The following TASOR2 variants were observed in gnomAD, a reference collection of about 807,000 sequenced individuals.
The protein encoded by TASOR2 is protein TASOR 2.
In TASOR2, 84 loss-of-function variants were observed where a neutral mutation model predicts 199.5. The ratio of observed to expected loss-of-function variants is 0.42; its 90% CI spans 0.35 to 0.50. The LOEUF is 0.50. Among genes scored for constraint, TASOR2 ranks in the 20% least tolerant of loss-of-function variants. The pLI is 0.02. For missense variants in TASOR2, 2,796 were observed against 2,835.9 expected (o/e 0.99, Z 0.32); for synonymous variants, 1,103 against 1,046.6 (o/e 1.05, Z -1.04).
intron 16 of TASOR2, 130 bp from the exon 18 acceptor site, chr10:5,757,390 C>A: frequency 1.1e-6 from 1 of 892,208 alleles, no homozygotes; most frequent in Non-Finnish European, 1.7e-6. Flanking sequence ...AATGACCAGT[C>A]GGTAATCCAG....
intron 1 of TASOR2, among the ~76,000 whole-genome samples, chr10:5,686,634 C>G (rs542430384): frequency 3.3e-5 from 5 of 152,300 alleles, no homozygotes; most frequent in African/African-American, 9.6e-5. Context: ...TTCACTCGCT[C>G]AAAAGATGTG....
rs1038041938 is a variant in TASOR2, at chr10:5,759,006, G to A, written c.6992+14G>A. The A allele has an allele frequency of 2.5e-6, 4 of 1,576,364 alleles. No individual in the cohort carries two copies. The highest frequency in any genetic ancestry group is 3.3e-5 in the Admixed American group (2 of 59,822). ...AGAAGATGAAAGGTAAGGACTTGCT[G>A]TGTGTATGGTTCCTCCTGCCCTGCT... On this transcript the variant is annotated intron_variant, in intron 18 of 20. Transcript: ENST00000328090.
rs543527530 is a variant in TASOR2, at chr10:5,732,787, C to G, written c.1204+1584C>G. Among the ~76,000 whole-genome samples the G allele has an allele frequency of 9.8e-5, 15 of 152,308 alleles. No homozygotes were observed. In the South Asian group the frequency reaches 2.9e-3, roughly 29 times the overall value. ...CTAGACTTTGAACTGATGCTCCTGC[C>G]TCAGCCTCCCAAAGTGTTGGGATTA... On this transcript the variant is annotated intron_variant, in intron 11 of 20. Transcript: ENST00000328090.
At position 5,738,436 on chromosome 10, in the gene TASOR2, A is replaced by G. The variant is rs1835922158; in HGVS notation, c.1448-1182A>G. 6.6e-6 allele frequency among the ~76,000 whole-genome samples: 1 copy of G among 152,250 alleles called. No individual in the cohort carries two copies. The highest frequency in any genetic ancestry group is 2.1e-4 in the South Asian group (1 of 4,830). Reference sequence around the variant, plus strand: ...ATTAACAAAGAATGAAATTAGCATCAGATCACAAAATTAATTTTATGTTTC... The same window carrying G: ...ATTAACAAAGAATGAAATTAGCATCGGATCACAAAATTAATTTTATGTTTC... On this transcript the variant is annotated intron_variant, in intron 12 of 20. Transcript: ENST00000328090. The surrounding 1 kb of genome is among the most constrained non-coding windows in gnomAD (Gnocchi z 4.7).
chr10:5,741,997 CA>C, intron 13 of TASOR2, 99 bp from the exon 15 acceptor site: 1 of 1,135,330 alleles, frequency 8.8e-7, no homozygotes, highest in South Asian at 1.4e-5. Flanking sequence ...AAAATAAAAA[CA>C]AAAACTAAGG....
At chr10:5,724,733 T>C (rs1833832085) in intron 8 of TASOR2, among the ~76,000 whole-genome samples, 200 bp downstream of exon 9, 1 of 150,414 alleles carries the variant, frequency 6.6e-6, no homozygotes, top group Admixed American at 6.6e-5. Context: ...TTAATATTTA[T>C]TTATATATTA....
exon 13 of TASOR2, chr10:5,739,796 A>G: frequency 2.5e-6 from 4 of 1,614,218 alleles, no homozygotes; most frequent in Non-Finnish European, 1.7e-6. Flanking sequence ...ATCTAGCATT[A>G]AGCTCTGCTA....
chr10:5,723,613 AAACT>A, intron 6 of TASOR2, 60 bp from the exon 8 acceptor site: 1 of 1,101,562 alleles, frequency 9.1e-7, no homozygotes, highest in Non-Finnish European at 1.2e-6. Context: ...TAGAAAACCA[AAACT>A]TAAGAAAATT....
chr10:5,700,510 C>T (rs1837688016), intron 1 of TASOR2, among the ~76,000 whole-genome samples: 1 of 152,110 alleles, frequency 6.6e-6, no homozygotes, highest in Non-Finnish European at 1.5e-5. Flanking sequence ...AAGCTCTGTA[C>T]TCTTTTCCAT....
At position 5,695,235 on chromosome 10, in the gene TASOR2, A is replaced by G. The variant is rs114457846; in HGVS notation, c.-288+10060A>G. 6.8e-3 allele frequency among the ~76,000 whole-genome samples: 1,043 copies of G among 152,330 alleles called. 19 individuals carry two copies. The highest frequency in any genetic ancestry group is 0.024 in the African/African-American group (996 of 41,576). ...GTAATCAGTAGTAAACAAAACAGAT[A>G]TGGTTCCTGCCGTGATATTGCTTGG... On this transcript the variant is annotated intron_variant, in intron 1 of 20. Coordinates refer to ENST00000328090, the Ensembl canonical transcript of TASOR2.
exon 10 of TASOR2, chr10:5,727,078 A>G: frequency 6.2e-7 from 1 of 1,614,118 alleles, no homozygotes; most frequent in Non-Finnish European, 8.5e-7. Context: ...AGGCAAGCAG[A>G]TGGGTCTGCA....
intron 2 of TASOR2, 55 bp downstream of exon 2, chr10:5,712,973 G>A: frequency 1.2e-6 from 1 of 844,864 alleles, no homozygotes; most frequent in East Asian, 3.4e-5. Flanking sequence ...AAGTATTGTG[G>A]TACTTCAGTT....
At chr10:5,762,693 G>C (rs373403875) in intron 20 of TASOR2, 47 bp downstream of exon 21, 16 of 882,630 alleles carry the variant, frequency 1.8e-5, no homozygotes, top group Non-Finnish European at 2.7e-5. Context: ...TGGAGTTGTT[G>C]ATGGCAAATA....
At chr10:5,712,766 T>G in intron 1 of TASOR2, 57 bp from the exon 2 acceptor site, 1 of 966,984 alleles carries the variant, frequency 1.0e-6, no homozygotes, top group Non-Finnish European at 1.3e-6. Flanking sequence ...TTTAAAAATT[T>G]GCAAGACAAA....
chr10:5,714,409 A>T, intron 2 of TASOR2: 1 of 367,510 alleles, frequency 2.7e-6, no homozygotes, highest in Non-Finnish European at 4.8e-6. Flanking sequence ...GTGTCAAGAG[A>T]TTGGTATTGT....
At position 5,698,549 on chromosome 10, in the gene TASOR2, T is replaced by G. The variant is rs954623829; in HGVS notation, c.-288+13374T>G. Among the ~76,000 whole-genome samples the G allele has an allele frequency of 2.7e-4, 41 of 152,344 alleles. No homozygotes were observed. Among genetic ancestry groups the G allele is most frequent in the African/African-American group, 9.6e-4 (40 of 41,590 alleles). ...GTGGTCAAGCTACTGCCTGTGGTCT[T>G]GCCTATTTTTGTAAATAAAGTTATA... is the stretch of plus-strand genomic sequence containing the variant. On this transcript the variant is annotated intron_variant, in intron 1 of 20. Coordinates refer to ENST00000328090, the Ensembl canonical transcript of TASOR2. This position sits in a 1 kb window ranked among gnomAD's most constrained non-coding sequence, Gnocchi z 4.4.
rs1322554580 is a variant in TASOR2 at position 5,739,610 on chromosome 10, TAC to T, written c.1448-7_1448-6del. The T allele has an allele frequency of 4.4e-6, 7 of 1,604,008 alleles. No homozygotes were observed. Among genetic ancestry groups the T allele is most frequent in the Admixed American group, 1.7e-5 (1 of 58,652 alleles). ...ACATCTCTCTTTTTTTTTTCTTTTA[TAC>T]TGAAGTCAAAGGAGAAACTGCTTCA... On this transcript the variant is annotated splice_region_variant and splice_polypyrimidine_tract_variant and intron_variant, in intron 12 of 20. Transcript: ENST00000328090.
At chr10:5,759,175 A>G (rs1839414646) in intron 18 of TASOR2, among the ~76,000 whole-genome samples, 183 bp downstream of exon 19, 1 of 152,216 alleles carries the variant, frequency 6.6e-6, no homozygotes, top group Non-Finnish European at 1.5e-5. Flanking sequence ...CAACAGTATG[A>G]GGCATGTACT....
intron 1 of TASOR2, among the ~76,000 whole-genome samples, chr10:5,696,063 T>G (rs1837111791): frequency 6.6e-6 from 1 of 152,160 alleles, no homozygotes; most frequent in African/African-American, 2.4e-5. Context: ...TCCAGATGGT[T>G]AAGGTGGGGG....
Sources: allele counts gnomAD v4.1 joint callset (sites outside exome capture counted in the v4.1 genomes callset), GRCh38; gene constraint gnomAD v4.1.1; non-coding constraint Gnocchi (gnomAD v3.1); transcripts MANE v1.5; gene names NCBI Gene and HGNC (gene_info 2026-07-23, HGNC 2026-07-21).